SPECC1: variants seen among roughly 807,000 people sequenced by gnomAD.
The protein encoded by SPECC1 is cytospin-B.
A neutral mutation model predicts 104.1 loss-of-function variants in SPECC1; 62 were observed. The observed-to-expected ratio is 0.60, with a 90% CI of 0.49 to 0.74. SPECC1 has a LOEUF of 0.74. Among genes scored for constraint, SPECC1 ranks in the 30% least tolerant of loss-of-function variants. The probability of loss-of-function intolerance (pLI) is 0.00; values close to 1 mark genes in which losing one functional copy is unlikely to be tolerated. For missense variants in SPECC1, 1,306 were observed against 1,310.5 expected (o/e 1.00, Z 0.05); for synonymous variants, 513 against 501.6 (o/e 1.02, Z -0.30).
intron 12 of SPECC1, among the ~76,000 whole-genome samples, chr17:20,274,827 C>T (rs964745279): frequency 9.2e-5 from 14 of 151,356 alleles, no homozygotes; most frequent in Non-Finnish European, 1.9e-4. Context: ...TGGTTTATTG[C>T]ATTCATGAAA....
chr17:20,307,840 CTTTA>C (rs1257252510), intron 14 of SPECC1, among the ~76,000 whole-genome samples: 2 of 152,108 alleles, frequency 1.3e-5, no homozygotes, highest in Non-Finnish European at 2.9e-5. Flanking sequence ...TCCACAGATT[CTTTA>C]TTTATCTCAA....
intron 2 of SPECC1, 63 bp downstream of exon 2, chr17:20,096,861 A>C: frequency 6.4e-7 from 1 of 1,560,340 alleles, no homozygotes; most frequent in Non-Finnish European, 8.7e-7. Context: ...GGAGGATTGA[A>C]GAGGGCAGTA....
rs76933198 is a variant in SPECC1 at position 20,253,596 on chromosome 17, G to A, written c.2680+10G>A. On this transcript the variant is annotated intron_variant, in intron 10 of 14. Transcript: ENST00000395527. Reference sequence around the variant, plus strand: ...GACCTTCCCCTCTCAGGTAAATTATGTCAACATAAAGAACTTTTGACTTAT... The same window carrying A: ...GACCTTCCCCTCTCAGGTAAATTATATCAACATAAAGAACTTTTGACTTAT... 5,931 of 1,613,414 alleles carry A rather than the reference G, an allele frequency of 3.7e-3. 167 individuals are homozygous for A. In the East Asian group the frequency reaches 0.073, roughly 20 times the overall value.
chr17:20,045,184 A>G (rs1280912651), intron 1 of SPECC1, among the ~76,000 whole-genome samples: 1 of 152,016 alleles, frequency 6.6e-6, no homozygotes, highest in Non-Finnish European at 1.5e-5. Flanking sequence ...ATTAGCTCAT[A>G]CTGACTATCA....
rs2042067756 is a variant in SPECC1, at chr17:20,318,554, C to T, written c.*4489C>T. 1 of 229,958 alleles carries T rather than the reference C, an allele frequency of 4.3e-6. No homozygotes were observed. Among genetic ancestry groups the T allele is most frequent in the African/African-American group, 2.2e-5 (1 of 45,244 alleles). The allele number at this position is 229,958 out of a possible 1,614,324, so 14.2% of individuals were successfully genotyped here. ...CGGAGACTCCCTTAGCCTCCCCCTC[C>T]TCTTCCCCACTGAGGGGCAGCTTGT... On this transcript the variant is annotated 3_prime_UTR_variant, in exon 15 of 15. Coordinates refer to ENST00000395527, the MANE Select transcript of SPECC1 (RefSeq NM_001243439.2).
intron 4 of SPECC1, among the ~76,000 whole-genome samples, chr17:20,226,882 G>T (rs1304499851): frequency 6.6e-6 from 1 of 152,122 alleles, no homozygotes; most frequent in African/African-American, 2.4e-5. Context: ...GAACCTGGGG[G>T]TGTGCAGATT....
intron 3 of SPECC1, chr17:20,112,160 A>G (rs1280089642): frequency 2.6e-6 from 2 of 763,306 alleles, no homozygotes; most frequent in East Asian, 4.9e-5. Context: ...AAAGAACCTG[A>G]TAGTATGCTG....
rs55761614 is a variant in SPECC1, at chr17:20,071,384, TTGTGTG to T, written c.-21-25233_-21-25228del. ...ACAAGTGGTTTGTGTTTGTGTGTGT[TTGTGTG>T]TGTGTGTGTGTGTAATTTTCTCCTT... On this transcript the variant is annotated intron_variant, in intron 1 of 14. Transcript: ENST00000395527. Among the ~76,000 whole-genome samples the T allele has an allele frequency of 3.7e-3, 564 of 151,348 alleles. 1 individual carries two copies. Among genetic ancestry groups the T allele is most frequent in the South Asian group, 0.011 (55 of 4,788 alleles).
intron 1 of SPECC1, among the ~76,000 whole-genome samples, chr17:20,087,818 T>TGAA (rs1238528935): frequency 6.6e-6 from 1 of 152,142 alleles, no homozygotes; most frequent in East Asian, 1.9e-4. Flanking sequence ...AGTCTTCATT[T>TGAA]GGTGATAAAG....
Position 20,194,502 on chromosome 17 carries a change from A to ATTATTTTTTTTTTTTTTTTTTTTATT in SPECC1, c.284-9829_284-9828insATTTTTTTTTTTTTTTTTTTTATTTT. Among the ~76,000 whole-genome samples the ATTATTTTTTTTTTTTTTTTTTTTATT allele has an allele frequency of 1.0e-4, 9 of 86,536 alleles. 1 individual carries two copies. In the South Asian group the frequency reaches 3.8e-3, roughly 36 times the overall value. 56.8% of individuals were successfully genotyped at this position (86,536 alleles called of 152,430 possible). The stretch of plus-strand genomic sequence containing the variant: ...TGTGTTCTGTTAGAAAAGAGAACGA[A>ATTATTTTTTTTTTTTTTTTTTTTATT]TTTTTTTTTTTTTTTTTTTTTTTGA... On this transcript the variant is annotated intron_variant, in intron 3 of 14. Transcript: ENST00000395527.
intron 3 of SPECC1, among the ~76,000 whole-genome samples, chr17:20,204,025 G>C (rs143344934): frequency 6.6e-6 from 1 of 152,278 alleles, no homozygotes; most frequent in Admixed American, 6.5e-5. Flanking sequence ...TTAATAGCTT[G>C]CCCAGAAAAC....
intron 3 of SPECC1, among the ~76,000 whole-genome samples, chr17:20,183,246 C>T (rs913340281): frequency 6.6e-6 from 1 of 152,086 alleles, no homozygotes; most frequent in Admixed American, 6.5e-5. Flanking sequence ...AACAATTACT[C>T]CTATATGTCT....
chr17:20,064,923 A>C (rs762626854), intron 1 of SPECC1, among the ~76,000 whole-genome samples: 5 of 152,216 alleles, frequency 3.3e-5, no homozygotes, highest in Non-Finnish European at 5.9e-5. Context: ...TTAAAAAGTC[A>C]TCTAAAGAGA....
intron 4 of SPECC1, among the ~76,000 whole-genome samples, chr17:20,219,982 A>G (rs892684547): frequency 3.3e-5 from 5 of 152,024 alleles, no homozygotes; most frequent in African/African-American, 1.2e-4. Context: ...AAATGAGTTC[A>G]TGTAGATGTA....
At chr17:20,082,298 A>G (rs980680656) in intron 1 of SPECC1, among the ~76,000 whole-genome samples, 1 of 152,110 alleles carries the variant, frequency 6.6e-6, no homozygotes, top group Non-Finnish European at 1.5e-5. Context: ...TAAACAAAAG[A>G]CATTAATTTT....
intron 1 of SPECC1, among the ~76,000 whole-genome samples, chr17:20,094,800 A>G (rs150960975): frequency 3.3e-5 from 5 of 152,110 alleles, no homozygotes; most frequent in African/African-American, 9.6e-5. Flanking sequence ...GAGTCTTGCT[A>G]TGTTGCCCAG....
intron 3 of SPECC1, among the ~76,000 whole-genome samples, chr17:20,130,281 G>C (rs1254591195): frequency 6.6e-6 from 1 of 152,166 alleles, no homozygotes; most frequent in Non-Finnish European, 1.5e-5. Flanking sequence ...TTGGGGCTGG[G>C]CGTGGTGGCT....
At chr17:20,183,861 T>G (rs185293766) in intron 3 of SPECC1, among the ~76,000 whole-genome samples, 1 of 152,052 alleles carries the variant, frequency 6.6e-6, no homozygotes, top group Non-Finnish European at 1.5e-5. Flanking sequence ...ATCATTCTTA[T>G]GAAATTTTAT....
intron 12 of SPECC1, among the ~76,000 whole-genome samples, chr17:20,278,744 A>G (rs1049878145): frequency 5.3e-5 from 8 of 150,826 alleles, no homozygotes; most frequent in African/African-American, 1.7e-4. Context: ...GGTTCTTACC[A>G]TGAGTTAGCC....
Sources: gnomAD v4.1 joint callset for allele counts (sites outside exome capture counted in the v4.1 genomes callset) on GRCh38, gnomAD v4.1.1 for gene constraint, MANE v1.5 for transcripts, NCBI Gene and HGNC (gene_info 2026-07-23, HGNC 2026-07-21) for gene names.